Variants in XRCC6 observed in about 807,000 individuals in gnomAD.
XRCC6 encodes the protein X-ray repair cross complementing 6.
XRCC6 carries 5 observed loss-of-function variants against 65.7 expected under a neutral mutation model. That is an observed-to-expected ratio of 0.08 (90% CI 0.04 to 0.16). The LOEUF is 0.16. Among genes scored for constraint, XRCC6 ranks in the 10% least tolerant of loss-of-function variants. XRCC6 has a pLI of 1.00. For missense variants in XRCC6, 447 were observed against 738.1 expected, an observed-to-expected ratio of 0.61 and a Z score of 4.57; for synonymous variants, 270 against 270.6, an observed-to-expected ratio of 1.00 and a Z score of 0.02.
At chr22:41,631,926 G>T (rs1238651629) in intron 3 of XRCC6, among the ~76,000 whole-genome samples, 1 of 152,194 alleles carries the variant, frequency 6.6e-6, no homozygotes, top group African/African-American at 2.4e-5. Context: ...AGGAGCTGGA[G>T]ACCAGCCTGG....
At chr22:41,631,616 T>C (rs1321304742) in intron 3 of XRCC6, among the ~76,000 whole-genome samples, 24 of 109,806 alleles carry the variant, frequency 2.2e-4, no homozygotes, top group African/African-American at 7.5e-4. Context: ...GGATGGCGGC[T>C]GGGCAGAGAC....
rs566636106 is a variant in XRCC6, at chr22:41,646,724, C to G, written c.774-172C>G. On this transcript the variant is annotated intron_variant, in intron 6 of 12. Coordinates refer to ENST00000360079, the MANE Select transcript of XRCC6 (RefSeq NM_001469.5). ...TAGTTAATATATTGTGGTACAGATT[C>G]TGAGGTGGTATAGCAAATTCGATTG... 3.7e-3 allele frequency among the ~76,000 whole-genome samples: 565 copies of G among 152,202 alleles called. 4 individuals are homozygous for G. The highest frequency in any genetic ancestry group is 5.4e-3 in the Non-Finnish European group (369 of 68,022).
chr22:41,632,813 A>G (rs1332797256), intron 3 of XRCC6, among the ~76,000 whole-genome samples: 1 of 147,680 alleles, frequency 6.8e-6, no homozygotes, highest in African/African-American at 2.5e-5. Flanking sequence ...ACAGAGTAAG[A>G]CCCTGTCTCT....
intron 11 of XRCC6, among the ~76,000 whole-genome samples, chr22:41,658,945 A>T (rs1244403006): frequency 6.6e-6 from 1 of 152,106 alleles, no homozygotes; most frequent in Non-Finnish European, 1.5e-5. Context: ...ACAAAACAAA[A>T]ACAAAAAATC....
chr22:41,663,504 G>A (rs938147425), intron 12 of XRCC6, 118 bp from the exon 13 acceptor site: 2 of 1,148,082 alleles, frequency 1.7e-6, no homozygotes, highest in Admixed American at 4.5e-5. Flanking sequence ...TCCTAGGCTG[G>A]CATCACAGCT....
chr22:41,663,104 C>CT (rs1304755819), intron 12 of XRCC6, among the ~76,000 whole-genome samples: 2 of 152,160 alleles, frequency 1.3e-5, no homozygotes, highest in African/African-American at 2.4e-5. Context: ...AAGTTATATC[C>CT]TTTTTTTGTT....
chr22:41,622,760 GAA>G (rs2067623700), intron 2 of XRCC6, among the ~76,000 whole-genome samples: 1 of 152,034 alleles, frequency 6.6e-6, no homozygotes, highest in Non-Finnish European at 1.5e-5. Flanking sequence ...TTAACACGGT[GAA>G]ACCCCGTCTG....
At chr22:41,657,321 G>A (rs1472130863) in intron 10 of XRCC6, among the ~76,000 whole-genome samples, 1 of 151,922 alleles carries the variant, frequency 6.6e-6, no homozygotes. Context: ...GATTGTGTTT[G>A]TTATTCCACA....
At chr22:41,635,294 C>A (rs2067797492) in intron 3 of XRCC6, among the ~76,000 whole-genome samples, 2 of 152,142 alleles carry the variant, frequency 1.3e-5, no homozygotes, top group Admixed American at 1.3e-4. Flanking sequence ...ACGGGAATTT[C>A]TTTGTTTTTC....
In XRCC6 at chr22:41,656,950, C is replaced by T. The variant is rs773117386; in HGVS notation, c.1339C>T (p.Pro447Ser). 3 of 1,612,680 alleles carry T rather than the reference C, an allele frequency of 1.9e-6. No individual in the cohort carries two copies. In the South Asian group the frequency reaches 3.3e-5, roughly 18 times the overall value. ...LPFADDKRKM[P>S]FTEKIMATPE... ...CTTTGCTGATGATAAAAGGAAGATG[C>T]CCTTTACTGAAAAAATCATGGCAAC... Residue 447 changes from proline (P) to serine (S), a missense_variant, in exon 10 of 13, where the codon CCC becomes TCC. This residue lies in a region of XRCC6 where 201 missense variants were observed against 374.1 expected (regional missense o/e 0.54). Coordinates refer to ENST00000360079, the MANE Select transcript of XRCC6 (RefSeq NM_001469.5).
intron 3 of XRCC6, among the ~76,000 whole-genome samples, chr22:41,634,496 ATT>A (rs1226660624): frequency 7.0e-6 from 1 of 142,318 alleles, no homozygotes; most frequent in African/African-American, 2.6e-5. Flanking sequence ...CGAAGACTTA[ATT>A]TTGTTAGTGC....
intron 6 of XRCC6, among the ~76,000 whole-genome samples, chr22:41,644,637 C>T (rs139937731): frequency 6.6e-6 from 1 of 152,046 alleles, no homozygotes; most frequent in African/African-American, 2.4e-5. Flanking sequence ...AGATGCACAC[C>T]GCCACGCCTG....
At chr22:41,630,045 A>G (rs10428064) in intron 3 of XRCC6, among the ~76,000 whole-genome samples, 12,238 of 143,228 alleles carry the variant, frequency 0.085, 1,668 homozygotes, top group African/African-American at 0.3. Flanking sequence ...GTGCAGTGGC[A>G]CAATCTTGGC....
chr22:41,622,694 A>C (rs1601522244), intron 2 of XRCC6, among the ~76,000 whole-genome samples: 1 of 152,208 alleles, frequency 6.6e-6, no homozygotes, highest in East Asian at 1.9e-4. Flanking sequence ...TAATCCCAGC[A>C]CTTTGGGAGG....
chr22:41,630,310 A>G (rs1362714281), intron 3 of XRCC6, among the ~76,000 whole-genome samples: 1 of 150,700 alleles, frequency 6.6e-6, no homozygotes, highest in Non-Finnish European at 1.5e-5. Flanking sequence ...ATGGTGTCTC[A>G]CTATTGCTCA....
chr22:41,636,406 G>A (rs1231286229), intron 4 of XRCC6, 110 bp from the exon 5 acceptor site: 2 of 1,506,794 alleles, frequency 1.3e-6, no homozygotes. Context: ...TTGTTAAATG[G>A]GTTAAACAGC....
intron 2 of XRCC6, among the ~76,000 whole-genome samples, chr22:41,625,919 A>T (rs905977365): frequency 2.0e-5 from 3 of 152,152 alleles, no homozygotes; most frequent in Non-Finnish European, 4.4e-5. Context: ...GCTCGCTGCA[A>T]TCTCTGCCTC....
At position 41,663,950 on chromosome 22, in the gene XRCC6, A is replaced by C; in HGVS notation, c.*135A>C. Reference sequence around the variant, plus strand: ...TAAGTCGAGGGACTTTATGTTTTTGAGGCTTTCTGTTGCCATGGTGATGGT... The same window carrying C: ...TAAGTCGAGGGACTTTATGTTTTTGCGGCTTTCTGTTGCCATGGTGATGGT... On this transcript the variant is annotated 3_prime_UTR_variant, in exon 13 of 13. Transcript: ENST00000360079. 1 of 985,286 alleles carries C rather than the reference A, an allele frequency of 1.0e-6. No individual in the cohort carries two copies. Among genetic ancestry groups the C allele is most frequent in the Non-Finnish European group, 1.5e-6 (1 of 675,464 alleles). 61.0% of individuals were successfully genotyped at this position (985,286 alleles called of 1,614,324 possible). A position where few individuals can be genotyped will look rare whatever the true frequency, so the allele number is the denominator to read the frequency against.
chr22:41,647,079 T>C lies in XRCC6; in HGVS notation c.957T>C (p.Ser319=), dbSNP rs749933957. The change falls in exon 7 of 13, where the codon TCT becomes TCC. Residue 319 remains serine (S), a synonymous_variant. Coordinates refer to ENST00000360079, the MANE Select transcript of XRCC6 (RefSeq NM_001469.5). ...GLLLPSDTKR[S]QIYGSRQIIL... ...TTCTGCCTAGCGATACCAAGAGGTCTCAGGTAGGTAGAGATGCCTTTTGTT... is the reference window on the plus strand; with the variant it reads ...TTCTGCCTAGCGATACCAAGAGGTCCCAGGTAGGTAGAGATGCCTTTTGTT... 6.2e-7 allele frequency: 1 copy of C among 1,613,820 alleles called. No homozygotes were observed. Among genetic ancestry groups the C allele is most frequent in the East Asian group, 2.2e-5 (1 of 44,870 alleles).
Sources: allele counts gnomAD v4.1 joint callset (sites outside exome capture counted in the v4.1 genomes callset), GRCh38; gene constraint gnomAD v4.1.1; regional missense constraint gnomAD v4.1.1; transcripts MANE v1.5; gene names NCBI Gene and HGNC (gene_info 2026-07-23, HGNC 2026-07-21).